TCF3: variants seen among roughly 807,000 people sequenced by gnomAD.
The protein encoded by TCF3 is transcription factor 3, also known as transcription factor E2-alpha.
A neutral mutation model predicts 72.3 loss-of-function variants in TCF3; 54 were observed. The ratio of observed to expected loss-of-function variants is 0.75; its 90% CI spans 0.60 to 0.94. The LOEUF is 0.94. TCF3 is among the 40% of genes least tolerant of loss of function. TCF3 has a pLI of 0.00. For missense variants in TCF3, 1,078 were observed against 934.4 expected (o/e 1.15, Z -2.00); for synonymous variants, 525 against 412.6 (o/e 1.27, Z -3.30).
intron 4 of TCF3, 82 bp from the exon 5 acceptor site, chr19:1,632,198 G>C: frequency 3.2e-6 from 5 of 1,560,246 alleles, no homozygotes; most frequent in Non-Finnish European, 4.3e-6. Flanking sequence ...GGAGAGGCAG[G>C]ACTCAAACCC....
intron 1 of TCF3, 126 bp downstream of exon 1, chr19:1,652,174 C>G (rs2067222209): frequency 6.8e-6 from 1 of 146,068 alleles, no homozygotes. Flanking sequence ...GGGCGCCCCC[C>G]GACACCGCCC....
intron 2 of TCF3, 52 bp downstream of exon 2, chr19:1,650,125 T>G: frequency 6.7e-7 from 1 of 1,502,846 alleles, no homozygotes; most frequent in Non-Finnish European, 9.0e-7. Context: ...AACCTTCCCG[T>G]GAACTGTGGA....
At chr19:1,623,057 T>A (rs2062443164) in intron 8 of TCF3, among the ~76,000 whole-genome samples, 1 of 152,034 alleles carries the variant, frequency 6.6e-6, no homozygotes, top group Non-Finnish European at 1.5e-5. Flanking sequence ...GTGATACTGT[T>A]GGGAGCAGAG....
rs1349136975 is a variant in TCF3 at position 1,619,028 on chromosome 19, C to G, written c.1450+83G>C. On this transcript the variant is annotated intron_variant, in intron 16 of 18. Transcript: ENST00000262965. ...CCCACGGTGACACCTGCCCTGGGCT[C>G]CCACCCTGACCCCCACCACTAGAGT... The G allele has an allele frequency of 1.7e-5, 27 of 1,585,788 alleles. 1 individual carries two copies. In the South Asian group the frequency reaches 2.9e-4, roughly 17 times the overall value.
chr19:1,622,254 G>A (rs1195957457), intron 9 of TCF3, 31 bp from the exon 10 acceptor site: 11 of 1,514,008 alleles, frequency 7.3e-6, no homozygotes, highest in Non-Finnish European at 8.9e-6. Flanking sequence ...GGTGGGGGCC[G>A]AGTGGGGAAC....
At chr19:1,637,528 C>A (rs1438773896) in intron 3 of TCF3, among the ~76,000 whole-genome samples, 3 of 152,186 alleles carry the variant, frequency 2.0e-5, no homozygotes, top group African/African-American at 7.2e-5. Flanking sequence ...ACCGAGACCC[C>A]ATCCCGCTCT....
At position 1,626,725 on chromosome 19, in the gene TCF3, C is replaced by T. The variant is rs373200037; in HGVS notation, c.366+634G>A. 3.1e-4 allele frequency among the ~76,000 whole-genome samples: 47 copies of T among 152,294 alleles called. 1 individual carries two copies. Among genetic ancestry groups the T allele is most frequent in the African/African-American group, 1.0e-3 (43 of 41,572 alleles). On this transcript the variant is annotated intron_variant, in intron 6 of 18. Coordinates refer to ENST00000262965, the MANE Select transcript of TCF3 (RefSeq NM_003200.5). ...CTCGTTGCGGGGACTGATAGGGAAACGCGCATCTGCCCCTGGCGCAGAGCC... is the reference window on the plus strand; with the variant it reads ...CTCGTTGCGGGGACTGATAGGGAAATGCGCATCTGCCCCTGGCGCAGAGCC...
At chr19:1,624,043 G>C (rs2146212447) in intron 7 of TCF3, 43 bp from the exon 8 acceptor site, 1 of 1,595,334 alleles carries the variant, frequency 6.3e-7, no homozygotes, top group Non-Finnish European at 8.6e-7. Flanking sequence ...CCGGCCATGA[G>C]AACAACCCCT....
At position 1,629,106 on chromosome 19, in the gene TCF3, G is replaced by A. The variant is rs1190694791; in HGVS notation, c.299-1680C>T. 3.4e-5 allele frequency among the ~76,000 whole-genome samples: 2 copies of A among 59,108 alleles called. 1 individual carries two copies. Among genetic ancestry groups the A allele is most frequent in the Non-Finnish European group, 6.1e-5 (2 of 32,802 alleles). 38.8% of individuals were successfully genotyped at this position (59,108 alleles called of 152,430 possible). A position where few individuals can be genotyped will look rare whatever the true frequency, so the allele number is the denominator to read the frequency against. ...GCGGGAAGGGGACAGCAGAGCTCAC[G>A]GGGTGAGGCGGGAAGGGGACAGCAG... On this transcript the variant is annotated intron_variant, in intron 5 of 18. Transcript: ENST00000262965.
intron 8 of TCF3, among the ~76,000 whole-genome samples, chr19:1,622,881 G>A (rs534688748): frequency 8.4e-4 from 128 of 152,314 alleles, no homozygotes; most frequent in Middle Eastern, 6.8e-3. Context: ...TGTGAGTAGC[G>A]CCAGCTCTGA....
chr19:1,612,490 A>C, intron 18 of TCF3: 5 of 570,656 alleles, frequency 8.8e-6, no homozygotes, highest in Non-Finnish European at 1.7e-5. Context: ...GTGGGAGGGC[A>C]GGGCTGGGTT....
At position 1,622,405 on chromosome 19, in the gene TCF3, G is replaced by T; in HGVS notation, c.560C>A (p.Pro187His). 1 of 1,492,614 alleles carries T rather than the reference G, an allele frequency of 6.7e-7. No individual in the cohort carries two copies. Among genetic ancestry groups the T allele is most frequent in the African/African-American group, 1.4e-5 (1 of 71,638 alleles). The allele number at this position is 1,492,614 out of a possible 1,614,324, so 92.5% of individuals were successfully genotyped here. Residue 187 changes from proline to histidine, a missense_variant, in exon 9 of 19, where the codon CCC (proline) becomes CAC (histidine). Physicochemically the swap from Pro to His is moderately conservative, Grantham distance 77. Transcript: ENST00000262965. ...PPGLPSSVYPPSSGEDYGRDA... is the reference protein window; with the variant it reads ...PPGLPSSVYPHSSGEDYGRDA... ...CCTGCCGTAGTCCTCACCTGAGCTGGGTGGGTACACCTGCGGGCGGGTGGG... is the reference window on the plus strand; with the variant it reads ...CCTGCCGTAGTCCTCACCTGAGCTGTGTGGGTACACCTGCGGGCGGGTGGG...
rs73506279 is a variant in TCF3 at position 1,614,479 on chromosome 19, G to A, written c.1822+806C>T. Among the ~76,000 whole-genome samples, 139 of 152,316 alleles carry A rather than the reference G, an allele frequency of 9.1e-4. 1 individual carries two copies. Among genetic ancestry groups the A allele is most frequent in the African/African-American group, 3.2e-3 (133 of 41,576 alleles). ...GGACGGGCGGGATGGAGGGGAGGGC[G>A]GAAGGCAGACAGCAGAGAGGCGGGC... On this transcript the variant is annotated intron_variant, in intron 18 of 18. Coordinates refer to ENST00000262965, the MANE Select transcript of TCF3 (RefSeq NM_003200.5). The surrounding 1 kb of genome is among the most constrained non-coding windows in gnomAD (Gnocchi z 5.6).
chr19:1,627,453 G>A (rs1355459422), intron 5 of TCF3, 27 bp from the exon 6 acceptor site: 2 of 1,609,370 alleles, frequency 1.2e-6, no homozygotes, highest in South Asian at 1.1e-5. Flanking sequence ...AAGGTTAGTG[G>A]GAGGCGACCC....
intron 18 of TCF3, among the ~76,000 whole-genome samples, chr19:1,613,634 C>G (rs1220124440): frequency 6.6e-6 from 1 of 152,130 alleles, no homozygotes; most frequent in Non-Finnish European, 1.5e-5. Flanking sequence ...AATACCTGGG[C>G]CACTCCAAAA....
chr19:1,632,688 C>G (rs560247292), intron 3 of TCF3, among the ~76,000 whole-genome samples: 128 of 152,260 alleles, frequency 8.4e-4, no homozygotes, highest in Non-Finnish European at 1.4e-3. Context: ...AGCTTTCATA[C>G]CCTCCTTGGG....
chr19:1,646,955 G>A (rs556136948), intron 2 of TCF3, among the ~76,000 whole-genome samples: 6 of 149,230 alleles, frequency 4.0e-5, no homozygotes, highest in South Asian at 2.1e-4. Flanking sequence ...TCCCTGGAGC[G>A]GGGGGTAGGG....
intron 5 of TCF3, among the ~76,000 whole-genome samples, chr19:1,631,250 G>A (rs1188362776): frequency 6.6e-6 from 1 of 150,678 alleles, no homozygotes. Context: ...GGTGGGACCA[G>A]ACACCAGGCC....
intron 8 of TCF3, among the ~76,000 whole-genome samples, chr19:1,623,720 G>A (rs1017718327): frequency 2.6e-5 from 4 of 152,148 alleles, no homozygotes; most frequent in African/African-American, 9.7e-5. Context: ...CAGCCACCAG[G>A]ACTGCCTTTC....
Sources: allele counts gnomAD v4.1 joint callset (sites outside exome capture counted in the v4.1 genomes callset), GRCh38; gene constraint gnomAD v4.1.1; non-coding constraint Gnocchi (gnomAD v3.1); transcripts MANE v1.5; gene names NCBI Gene and HGNC (gene_info 2026-07-23, HGNC 2026-07-21).